The following FAT3 variants were observed in gnomAD, a reference collection of about 807,000 sequenced individuals.
FAT3 encodes protocadherin Fat 3.
In FAT3, 95 loss-of-function variants were observed where a neutral mutation model predicts 310.2. The ratio of observed to expected loss-of-function variants is 0.31; its 90% CI spans 0.26 to 0.36. FAT3 has a LOEUF of 0.36. Ranked by LOEUF, FAT3 falls within the 10% of genes least tolerant of loss-of-function variation. The probability of loss-of-function intolerance (pLI) is 1.00; values close to 1 mark genes in which losing one functional copy is unlikely to be tolerated. For synonymous variants in FAT3, 2,314 were observed against 2,192.9 expected (o/e 1.06, Z -1.54); for missense variants, 5,408 against 5,715.6 (o/e 0.95, Z 1.74).
At position 92,461,653 on chromosome 11, in the gene FAT3, A is replaced by G. The variant is rs1324229118; in HGVS notation, c.3293-62981A>G. Reference sequence around the variant, plus strand: ...AGTAGAGGACACTGTGTGAAGACCTAAAGTTAAAAACAGATTGGCTGGTGT... The same window carrying G: ...AGTAGAGGACACTGTGTGAAGACCTGAAGTTAAAAACAGATTGGCTGGTGT... On this transcript the variant is annotated intron_variant, in intron 2 of 27. Transcript: ENST00000525166. Among the ~76,000 whole-genome samples the G allele has an allele frequency of 3.3e-5, 5 of 152,130 alleles. No homozygotes were observed. In the South Asian group the frequency reaches 8.3e-4, roughly 25 times the overall value.
chr11:92,717,397 T>C (rs550232717), intron 4 of FAT3, among the ~76,000 whole-genome samples: 58 of 152,308 alleles, frequency 3.8e-4, no homozygotes, highest in African/African-American at 1.4e-3. Flanking sequence ...TGCATTGTAC[T>C]TCCAAAGATG....
At chr11:92,807,800 TGCCTGCATTGAAG>T (rs1482228576) in intron 12 of FAT3, among the ~76,000 whole-genome samples, 2 of 152,250 alleles carry the variant, frequency 1.3e-5, no homozygotes, top group Admixed American at 1.3e-4. Context: ...TAAAGGCAGA[TGCCTGCATTGAAG>T]GCCAGAGCTA....
intron 2 of FAT3, among the ~76,000 whole-genome samples, chr11:92,486,332 C>T (rs915168319): frequency 6.6e-6 from 1 of 151,434 alleles, no homozygotes; most frequent in Non-Finnish European, 1.5e-5. Context: ...CCAATCTAGG[C>T]AGATGGTGGT....
chr11:92,257,255 C>T (rs1039328261), intron 1 of FAT3, among the ~76,000 whole-genome samples: 1 of 152,074 alleles, frequency 6.6e-6, no homozygotes, highest in Admixed American at 6.6e-5. Flanking sequence ...TGTCTCCTTG[C>T]AAAAAACAGA....
chr11:92,727,687 A>G (rs1335983003), intron 4 of FAT3, among the ~76,000 whole-genome samples: 1 of 152,166 alleles, frequency 6.6e-6, no homozygotes, highest in African/African-American at 2.4e-5. Context: ...ACTGGCATCC[A>G]TTAATGTCTC....
intron 4 of FAT3, among the ~76,000 whole-genome samples, chr11:92,721,848 G>T (rs1349368767): frequency 6.6e-6 from 1 of 152,120 alleles, no homozygotes; most frequent in East Asian, 1.9e-4. Flanking sequence ...CTTGTGCAGG[G>T]AAACTCCTCT....
chr11:92,792,583 C>T (rs1013452884), intron 8 of FAT3, among the ~76,000 whole-genome samples, 184 bp from the exon 9 acceptor site: 16 of 152,278 alleles, frequency 1.1e-4, no homozygotes, highest in Admixed American at 8.5e-4. Context: ...ACCCTGCTCA[C>T]GATTTGCTCA....
chr11:92,260,248 G>A (rs577656622), intron 1 of FAT3, among the ~76,000 whole-genome samples: 2 of 152,218 alleles, frequency 1.3e-5, no homozygotes, highest in African/African-American at 4.8e-5. Context: ...GTGTGTGTGA[G>A]TGTACAAGCG....
intron 21 of FAT3, among the ~76,000 whole-genome samples, chr11:92,865,171 A>G (rs764346690): frequency 4.6e-5 from 7 of 152,216 alleles, no homozygotes; most frequent in East Asian, 1.9e-4. Flanking sequence ...GGCATGACCT[A>G]CGAAATTTTA....
intron 2 of FAT3, among the ~76,000 whole-genome samples, chr11:92,504,449 C>T (rs1953040433): frequency 6.6e-6 from 1 of 152,126 alleles, no homozygotes; most frequent in African/African-American, 2.4e-5. Context: ...ACAACTATTA[C>T]TTAGGGGTTT....
At chr11:92,576,324 C>T (rs991015114) in intron 3 of FAT3, among the ~76,000 whole-genome samples, 1 of 152,136 alleles carries the variant, frequency 6.6e-6, no homozygotes, top group Non-Finnish European at 1.5e-5. Flanking sequence ...TTAACATGAC[C>T]TTGACTGTGT....
chr11:92,421,068 T>C (rs1344006084), intron 2 of FAT3, among the ~76,000 whole-genome samples: 4 of 152,220 alleles, frequency 2.6e-5, no homozygotes, highest in Non-Finnish European at 5.9e-5. Flanking sequence ...CACTATTCAA[T>C]AGAAATGTGT....
At position 92,352,557 on chromosome 11, in the gene FAT3, T is replaced by G. The variant is rs778131286; in HGVS notation, c.445T>G (p.Leu149Val). Residue 149 changes from leucine to valine, a missense_variant, in exon 2 of 28, where the codon TTA (leucine) becomes GTA (valine). Physicochemically the swap from Leu to Val is conservative, Grantham distance 32. Transcript: ENST00000525166. ...EAWTKVNIQV[L>V]DMNDLRPLFS... ...ATGGACCAAAGTGAATATACAGGTT[T>G]TAGATATGAATGATCTGAGACCTTT... 1.2e-6 allele frequency: 2 copies of G among 1,613,792 alleles called. No individual in the cohort carries two copies. The highest frequency in any genetic ancestry group is 2.2e-5 in the South Asian group (2 of 91,076).
chr11:92,353,912 C>T lies in FAT3; in HGVS notation c.1800C>T (p.Val600=), dbSNP rs1468070603. 4 of 1,612,396 alleles carry T rather than the reference C, an allele frequency of 2.5e-6. No individual in the cohort carries two copies. Among genetic ancestry groups the T allele is most frequent in the Middle Eastern group, 3.3e-4 (2 of 6,054 alleles). The change falls in exon 2 of 28, where the codon GTC becomes GTT. Residue 600 remains valine (V), a synonymous_variant. Coordinates refer to ENST00000525166, the MANE Select transcript of FAT3 (RefSeq NM_001367949.2). ...DFPVGGHITA[V]SAIDIDELEL... Reference sequence around the variant, plus strand: ...CAGTTGGTGGTCACATCACAGCAGTCTCAGCGATCGATATCGATGAACTTG... The same window carrying T: ...CAGTTGGTGGTCACATCACAGCAGTTTCAGCGATCGATATCGATGAACTTG...
chr11:92,482,322 C>T (rs1278772686), intron 2 of FAT3, among the ~76,000 whole-genome samples: 1 of 152,118 alleles, frequency 6.6e-6, no homozygotes, highest in Non-Finnish European at 1.5e-5. Context: ...ATAGTAATAG[C>T]AGTAGCCATT....
chr11:92,280,645 C>A (rs941658160), intron 1 of FAT3, among the ~76,000 whole-genome samples: 11 of 152,180 alleles, frequency 7.2e-5, no homozygotes, highest in Non-Finnish European at 1.5e-4. Flanking sequence ...CAGAGGTCCT[C>A]ATAACTAACT....
chr11:92,330,201 A>G lies in FAT3; in HGVS notation c.-17-21895A>G, dbSNP rs557764135. 5.3e-5 allele frequency among the ~76,000 whole-genome samples: 8 copies of G among 152,356 alleles called. No homozygotes were observed. The East Asian group carries it at 1.5e-3, about 29-fold the overall frequency. ...GTGCCCATCTATGTAAGTCAAAACA[A>G]AATGAGACCTTTTTGAAATATTACA... On this transcript the variant is annotated intron_variant, in intron 1 of 27. Coordinates refer to ENST00000525166, the MANE Select transcript of FAT3 (RefSeq NM_001367949.2).
At chr11:92,344,526 G>C (rs779300712) in intron 1 of FAT3, among the ~76,000 whole-genome samples, 18 of 152,148 alleles carry the variant, frequency 1.2e-4, no homozygotes, top group Non-Finnish European at 2.2e-4. Context: ...TAATATGCTG[G>C]AAAGAAACTG....
chr11:92,774,480 A>G (rs1946545737), intron 7 of FAT3, among the ~76,000 whole-genome samples: 2 of 152,238 alleles, frequency 1.3e-5, no homozygotes, highest in African/African-American at 4.8e-5. Context: ...CCTTGAATTT[A>G]CAAAGAGGAG....
Sources: allele counts gnomAD v4.1 joint callset (sites outside exome capture counted in the v4.1 genomes callset), GRCh38; gene constraint gnomAD v4.1.1; transcripts MANE v1.5; gene names NCBI Gene and HGNC (gene_info 2026-07-23, HGNC 2026-07-21).